F2: variants seen among roughly 807,000 people sequenced by gnomAD.
The protein encoded by F2 is prothrombin.
A neutral mutation model predicts 81.9 loss-of-function variants in F2; 34 were observed. The ratio of observed to expected loss-of-function variants is 0.42; its 90% CI spans 0.32 to 0.55. The LOEUF (loss-of-function observed/expected upper bound fraction) is 0.55. F2 is among the 20% of genes least tolerant of loss of function. The pLI is 0.18. For synonymous variants in F2, 296 were observed against 326.4 expected (o/e 0.91, Z 1.01); for missense variants, 630 against 833.4 (o/e 0.76, Z 3.00).
intron 6 of F2, among the ~76,000 whole-genome samples, chr11:46,724,751 C>A (rs1189361738): frequency 3.4e-5 from 5 of 146,266 alleles, no homozygotes; most frequent in African/African-American, 1.2e-4. Context: ...GCCCATTGCT[C>A]ATTCCTGGGG....
chr11:46,726,407 G>A lies in F2; in HGVS notation c.875-91G>A, dbSNP rs112703090. 588 of 1,556,100 alleles carry A rather than the reference G, an allele frequency of 3.8e-4. 6 individuals are homozygous for A. The highest frequency in any genetic ancestry group is 6.7e-5 in the Non-Finnish European group (77 of 1,150,594). On this transcript the variant is annotated intron_variant, in intron 7 of 13. Transcript: ENST00000311907. This position sits in a 1 kb window ranked among gnomAD's most constrained non-coding sequence, Gnocchi z 5.9. ...GCACGCTTAACCTCTGCACCAAATG[G>A]CCTCCAAGGCCCGTAGGGGAATTGG...
At chr11:46,725,106 G>C (rs1202976012) in intron 6 of F2, among the ~76,000 whole-genome samples, 1 of 88,902 alleles carries the variant, frequency 1.1e-5, no homozygotes, top group Non-Finnish European at 2.2e-5. Context: ...GTCTCACTCT[G>C]TCACCCAGGC....
intron 12 of F2, among the ~76,000 whole-genome samples, chr11:46,738,836 C>T (rs904583367): frequency 6.6e-6 from 1 of 152,112 alleles, no homozygotes; most frequent in Admixed American, 6.5e-5. Flanking sequence ...TTCAGGAGCT[C>T]GAGCTAGAAG....
chr11:46,720,055 G>C, intron 2 of F2, 193 bp downstream of exon 2: 1 of 740,996 alleles, frequency 1.3e-6, no homozygotes, highest in Non-Finnish European at 2.2e-6. Context: ...TGCCTGGACT[G>C]TGTCCCTGTG....
At chr11:46,720,941 TC>T in intron 4 of F2, 101 bp downstream of exon 4, 2 of 1,223,426 alleles carry the variant, frequency 1.6e-6, no homozygotes, top group Non-Finnish European at 2.4e-6. Flanking sequence ...GCCGAGGCAG[TC>T]CCCAGCATCT....
Position 46,739,462 on chromosome 11 carries a change from T to C in F2, c.*54T>C, listed in dbSNP as rs759052297. The C allele has an allele frequency of 1.5e-5, 24 of 1,610,250 alleles. No individual in the cohort carries two copies. Among genetic ancestry groups the C allele is most frequent in the East Asian group, 2.2e-5 (1 of 44,884 alleles). On this transcript the variant is annotated 3_prime_UTR_variant, in exon 14 of 14. Transcript: ENST00000311907. ...ACCAATCCCGTGAAAGAATTATTTT[T>C]GTGTTTCTAAAACTATGGTTCCCAA...
At chr11:46,722,967 A>G (rs1054677595) in intron 4 of F2, 6 of 656,436 alleles carry the variant, frequency 9.1e-6, no homozygotes, top group Non-Finnish European at 1.7e-5. Context: ...AGCACCCGAC[A>G]GTGCCTGTCA....
chr11:46,719,541 C>A lies in F2; in HGVS notation c.80-161C>A. The A allele has an allele frequency of 1.0e-6, 1 of 999,340 alleles. No homozygotes were observed. Among genetic ancestry groups the A allele is most frequent in the South Asian group, 1.5e-5 (1 of 67,210 alleles). The allele number at this position is 999,340 out of a possible 1,614,324, so 61.9% of individuals were successfully genotyped here. A position where few individuals can be genotyped will look rare whatever the true frequency, so the allele number is the denominator to read the frequency against. ...GGGGCAAGGGGCAGTGTAGGAGGGG[C>A]ACAGGGGGCCACATTTAGCAGCCTT... On this transcript the variant is annotated intron_variant, in intron 1 of 13. Transcript: ENST00000311907. This position sits in a 1 kb window ranked among gnomAD's most constrained non-coding sequence, Gnocchi z 4.7.
rs757920265 is a variant in F2, at chr11:46,723,141, C to T, written c.317-39C>T. ...CTTTGCAGGGAGAGAGGAAATAAGT[C>T]CCCAGGCTCCAAGGCTGACCGGGGT... On this transcript the variant is annotated intron_variant, in intron 4 of 13. Coordinates refer to ENST00000311907, the MANE Select transcript of F2 (RefSeq NM_000506.5). This position sits in a 1 kb window ranked among gnomAD's most constrained non-coding sequence, Gnocchi z 5.6. 42 of 1,582,858 alleles carry T rather than the reference C, an allele frequency of 2.7e-5. No individual in the cohort carries two copies. The highest frequency in any genetic ancestry group is 1.3e-5 in the African/African-American group (1 of 74,220).
intron 9 of F2, among the ~76,000 whole-genome samples, chr11:46,727,208 G>A (rs1438560698): frequency 6.6e-6 from 1 of 151,996 alleles, no homozygotes; most frequent in Non-Finnish European, 1.5e-5. Context: ...TTTAAGTAGA[G>A]ACAGGGTTTC....
chr11:46,738,555 C>T (rs1425513271), intron 12 of F2, among the ~76,000 whole-genome samples: 5 of 152,070 alleles, frequency 3.3e-5, no homozygotes, highest in African/African-American at 9.7e-5. Flanking sequence ...CTCACTGCAG[C>T]CTTAACCTCC....
intron 12 of F2, 114 bp downstream of exon 12, chr11:46,729,675 T>A: frequency 8.4e-7 from 1 of 1,187,180 alleles, no homozygotes; most frequent in Non-Finnish European, 1.2e-6. Flanking sequence ...TCTTGGTGGC[T>A]CAGTTTCTTC....
At chr11:46,733,782 C>CTTTTTTTTTTT (rs34296052) in intron 12 of F2, among the ~76,000 whole-genome samples, 1 of 89,770 alleles carries the variant, frequency 1.1e-5, no homozygotes, top group Non-Finnish European at 2.0e-5. Flanking sequence ...GATTAAGGAC[C>CTTTTTTTTTTT]TTTTTTTTTT....
In F2 at chr11:46,725,915, C is replaced by A; in HGVS notation, c.616C>A (p.Leu206Met). ...TPRSEGSSVN[L>M]SPPLEQCVPD... ...ACGCTCCGAAGGCTCCAGTGTGAAT[C>A]TGTCACCTCCATTGGAGCAGTGTGT... Residue 206 changes from leucine (L) to methionine (M), a missense_variant, in exon 7 of 14, where the codon CTG (leucine) becomes ATG (methionine). Leu to Met is a conservative substitution (Grantham distance 15, BLOSUM62 2). Coordinates refer to ENST00000311907, the MANE Select transcript of F2 (RefSeq NM_000506.5). The A allele has an allele frequency of 6.2e-7, 1 of 1,613,856 alleles. No homozygotes were observed. The highest frequency in any genetic ancestry group is 8.5e-7 in the Non-Finnish European group (1 of 1,180,048).
At chr11:46,734,770 C>A (rs1025010411) in intron 12 of F2, among the ~76,000 whole-genome samples, 1 of 152,092 alleles carries the variant, frequency 6.6e-6, no homozygotes, top group Non-Finnish European at 1.5e-5. Flanking sequence ...GAGATCGTGC[C>A]GCTGCACTCC....
intron 6 of F2, among the ~76,000 whole-genome samples, chr11:46,725,173 G>A (rs574326644): frequency 6.5e-4 from 97 of 149,032 alleles, no homozygotes; most frequent in African/African-American, 2.3e-3. Context: ...GGGTTCAGGC[G>A]ATTCTCTGCC....
chr11:46,728,270 C>T lies in F2; in HGVS notation c.1298+107C>T. 2 of 1,222,168 alleles carry T rather than the reference C, an allele frequency of 1.6e-6. No individual in the cohort carries two copies. The highest frequency in any genetic ancestry group is 1.2e-6 in the Non-Finnish European group (1 of 853,154). 75.7% of individuals were successfully genotyped at this position (1,222,168 alleles called of 1,614,324 possible). ...ACACATAGGATGTTCTGTATACCCCCCAGAATATAACATCCCAGCAGTCTC... is the reference window on the plus strand; with the variant it reads ...ACACATAGGATGTTCTGTATACCCCTCAGAATATAACATCCCAGCAGTCTC... On this transcript the variant is annotated intron_variant, in intron 10 of 13. Transcript: ENST00000311907. This position sits in a 1 kb window ranked among gnomAD's most constrained non-coding sequence, Gnocchi z 5.1.
intron 12 of F2, among the ~76,000 whole-genome samples, chr11:46,731,527 A>G (rs2064911699): frequency 6.6e-6 from 1 of 151,546 alleles, no homozygotes; most frequent in Non-Finnish European, 1.5e-5. Flanking sequence ...TCTAATCTAT[A>G]GACCTTATTC....
chr11:46,725,722 G>T lies in F2; in HGVS notation c.560-137G>T, dbSNP rs1349702997. Reference sequence around the variant, plus strand: ...ATTAGTAACCCCTTTAAAGGCAAACGGTCAGAAGCCCAGAGAGGTTAAGTA... The same window carrying T: ...ATTAGTAACCCCTTTAAAGGCAAACTGTCAGAAGCCCAGAGAGGTTAAGTA... On this transcript the variant is annotated intron_variant, in intron 6 of 13. Transcript: ENST00000311907. 14 of 987,934 alleles carry T rather than the reference G, an allele frequency of 1.4e-5. No individual in the cohort carries two copies. In the Admixed American group the frequency reaches 2.5e-4, roughly 18 times the overall value. The allele number at this position is 987,934 out of a possible 1,614,324, so 61.2% of individuals were successfully genotyped here.
Sources: gnomAD v4.1 joint callset for allele counts (sites outside exome capture counted in the v4.1 genomes callset) on GRCh38, gnomAD v4.1.1 for gene constraint, Gnocchi (gnomAD v3.1) non-coding constraint, MANE v1.5 for transcripts, NCBI Gene and HGNC (gene_info 2026-07-23, HGNC 2026-07-21) for gene names.